The following GRIA1 variants were observed in gnomAD, a reference collection of about 807,000 sequenced individuals.
GRIA1 encodes glutamate receptor 1.
GRIA1 carries 31 observed loss-of-function variants against 99.2 expected under a neutral mutation model. The observed-to-expected ratio is 0.31, with a 90% CI of 0.23 to 0.42. The LOEUF (loss-of-function observed/expected upper bound fraction) is 0.42. GRIA1 is among the 10% of genes least tolerant of loss of function. The pLI is 1.00. For missense variants in GRIA1, 782 were observed against 1,157.5 expected (o/e 0.68, Z 4.71); for synonymous variants, 438 against 432.4 (o/e 1.01, Z -0.16).
intron 15 of GRIA1, among the ~76,000 whole-genome samples, chr5:153,803,177 C>T (rs563958161): frequency 1.7e-4 from 26 of 152,282 alleles, no homozygotes; most frequent in Non-Finnish European, 3.4e-4. Flanking sequence ...ACACGATACA[C>T]TAAATTTACT....
chr5:153,759,202 A>G (rs1300331440), intron 11 of GRIA1, among the ~76,000 whole-genome samples: 3 of 151,620 alleles, frequency 2.0e-5, no homozygotes, highest in Non-Finnish European at 3.0e-5. Context: ...TCAAATTTAC[A>G]GAAGGAAATA....
intron 10 of GRIA1, among the ~76,000 whole-genome samples, chr5:153,701,468 G>T (rs113355155): frequency 6.6e-6 from 1 of 151,558 alleles, no homozygotes; most frequent in Non-Finnish European, 1.5e-5. Context: ...CAAAAAATTA[G>T]CCGGGCATGG....
intron 14 of GRIA1, among the ~76,000 whole-genome samples, chr5:153,797,730 C>T (rs534817847): frequency 9.9e-5 from 15 of 152,270 alleles, no homozygotes; most frequent in South Asian, 2.1e-4. Flanking sequence ...GTACAGCAGC[C>T]GGTCCCTGAG....
chr5:153,507,032 A>C (rs1270807401), intron 2 of GRIA1, among the ~76,000 whole-genome samples: 1 of 152,172 alleles, frequency 6.6e-6, no homozygotes, highest in Non-Finnish European at 1.5e-5. Flanking sequence ...CTGAGGCACG[A>C]GAATTACTTG....
chr5:153,778,192 AGT>A (rs61414750), intron 13 of GRIA1, among the ~76,000 whole-genome samples: 524 of 37,198 alleles, frequency 0.014, 3 homozygotes, highest in African/African-American at 0.046. Context: ...AGAGAGAGAG[AGT>A]GTGTGTGTGT....
intron 2 of GRIA1, among the ~76,000 whole-genome samples, chr5:153,546,051 C>T (rs1029423497): frequency 2.7e-4 from 41 of 152,154 alleles, no homozygotes; most frequent in African/African-American, 8.7e-4. Context: ...ATTACTGAGG[C>T]GTGTGTCACT....
At chr5:153,762,205 A>T (rs1258788203) in intron 11 of GRIA1, among the ~76,000 whole-genome samples, 1 of 152,232 alleles carries the variant, frequency 6.6e-6, no homozygotes, top group African/African-American at 2.4e-5. Context: ...GTTTGAGGTG[A>T]TGTACATGCT....
At chr5:153,504,912 A>G (rs1423599059) in intron 2 of GRIA1, among the ~76,000 whole-genome samples, 2 of 152,126 alleles carry the variant, frequency 1.3e-5, no homozygotes, top group African/African-American at 4.8e-5. Flanking sequence ...AAACTCTTTA[A>G]CAGTCCCAGT....
At chr5:153,740,147 G>T (rs1030489013) in intron 11 of GRIA1, among the ~76,000 whole-genome samples, 1 of 152,222 alleles carries the variant, frequency 6.6e-6, no homozygotes, top group Non-Finnish European at 1.5e-5. Flanking sequence ...TCAATTTTGT[G>T]TTCCGCCCAA....
At chr5:153,532,245 A>G (rs1758161928) in intron 2 of GRIA1, among the ~76,000 whole-genome samples, 1 of 152,024 alleles carries the variant, frequency 6.6e-6, no homozygotes, top group African/African-American at 2.4e-5. Context: ...TACTGTACTG[A>G]TCTTTCTCCC....
chr5:153,751,163 A>G (rs1378196986), intron 11 of GRIA1, among the ~76,000 whole-genome samples: 2 of 152,240 alleles, frequency 1.3e-5, no homozygotes, highest in Admixed American at 6.5e-5. Flanking sequence ...CATACAACCA[A>G]TAAGAAACAA....
chr5:153,813,488 G>A lies in GRIA1; in HGVS notation c.*2263G>A, dbSNP rs993355148. 1 of 152,198 alleles carries A rather than the reference G, an allele frequency of 6.6e-6. No individual in the cohort carries two copies. Among genetic ancestry groups the A allele is most frequent in the Non-Finnish European group, 1.5e-5 (1 of 68,046 alleles). The allele number at this position is 152,198 out of a possible 1,614,324, so 9.4% of individuals were successfully genotyped here. On this transcript the variant is annotated 3_prime_UTR_variant, in exon 16 of 16. Transcript: ENST00000285900. ...CTATGAGGGGGTCCAAGACTCTGGC[G>A]AAATGTGCTTTTTCATCAATGGAGA... is the stretch of plus-strand genomic sequence containing the variant.
chr5:153,635,753 G>A (rs1017831494), intron 2 of GRIA1, among the ~76,000 whole-genome samples: 1 of 152,090 alleles, frequency 6.6e-6, no homozygotes, highest in South Asian at 2.1e-4. Flanking sequence ...GGCCTCAAAG[G>A]GTCCATCCAC....
chr5:153,652,750 T>C (rs1042279068), intron 4 of GRIA1, among the ~76,000 whole-genome samples: 1 of 152,218 alleles, frequency 6.6e-6, no homozygotes, highest in African/African-American at 2.4e-5. Flanking sequence ...ATCACTTGAT[T>C]CTTTGCTTAT....
chr5:153,810,987 C>T, intron 15 of GRIA1, 38 bp from the exon 16 acceptor site: 1 of 1,508,104 alleles, frequency 6.6e-7, no homozygotes, highest in East Asian at 2.3e-5. Context: ...CTGTCATTGC[C>T]AAGGACCCGG....
At chr5:153,730,059 T>C (rs1213674789) in intron 11 of GRIA1, among the ~76,000 whole-genome samples, 2 of 152,144 alleles carry the variant, frequency 1.3e-5, no homozygotes, top group African/African-American at 4.8e-5. Context: ...CATAGCAGCC[T>C]TTATATACTA....
At chr5:153,700,373 G>A (rs745490589) in intron 10 of GRIA1, among the ~76,000 whole-genome samples, 6 of 152,124 alleles carry the variant, frequency 3.9e-5, no homozygotes, top group South Asian at 4.1e-4. Context: ...AGACAAGAGC[G>A]AAACTCTGTC....
intron 2 of GRIA1, among the ~76,000 whole-genome samples, chr5:153,506,631 G>A (rs1303390777): frequency 6.6e-6 from 1 of 152,062 alleles, no homozygotes; most frequent in Non-Finnish European, 1.5e-5. Flanking sequence ...CACCTACAAG[G>A]GAGAACAAAG....
At chr5:153,491,123 G>C (rs1753874671) in intron 1 of GRIA1, 153 bp downstream of exon 1, 1 of 1,003,306 alleles carries the variant, frequency 1.0e-6, no homozygotes, top group Non-Finnish European at 1.5e-6. Context: ...TGGGCTTACA[G>C]CCAGAGGAGG....
Sources: gnomAD v4.1 joint callset for allele counts (sites outside exome capture counted in the v4.1 genomes callset) on GRCh38, gnomAD v4.1.1 for gene constraint, MANE v1.5 for transcripts, NCBI Gene and HGNC (gene_info 2026-07-23, HGNC 2026-07-21) for gene names.